The following C10orf90 variants were observed in gnomAD, a reference collection of about 807,000 sequenced individuals.
C10orf90 encodes the protein (E2-independent) E3 ubiquitin-conjugating enzyme FATS.
C10orf90 carries 56 observed loss-of-function variants against 62.5 expected under a neutral mutation model. The observed-to-expected ratio is 0.90, with a 90% CI of 0.72 to 1.12. The LOEUF (loss-of-function observed/expected upper bound fraction) is 1.12, where lower values mean the gene tolerates loss of function less well. Among genes scored for constraint, C10orf90 ranks in the 50% most tolerant of loss-of-function variants. C10orf90 has a pLI of 0.00. For missense variants in C10orf90, 970 were observed against 880.4 expected, an observed-to-expected ratio of 1.10 and a Z score of -1.29; for synonymous variants, 386 against 340.4, an observed-to-expected ratio of 1.13 and a Z score of -1.47.
chr10:126,462,412 C>T (rs1860045878), intron 5 of C10orf90, among the ~76,000 whole-genome samples: 1 of 152,266 alleles, frequency 6.6e-6, no homozygotes, highest in Admixed American at 6.5e-5. Context: ...CCTTTGATTC[C>T]TCTGCCCAGT....
chr10:126,538,412 A>G (rs1202584357), intron 2 of C10orf90, among the ~76,000 whole-genome samples: 2 of 152,196 alleles, frequency 1.3e-5, no homozygotes, highest in African/African-American at 4.8e-5. Flanking sequence ...GGAAACTAGG[A>G]GAGAGACATG....
intron 2 of C10orf90, among the ~76,000 whole-genome samples, chr10:126,541,520 A>G (rs1366901072): frequency 6.6e-6 from 1 of 152,224 alleles, no homozygotes; most frequent in Non-Finnish European, 1.5e-5. Context: ...AAGCAATCCA[A>G]TTTAAATATG....
At chr10:126,531,322 G>C (rs1864089825) in intron 2 of C10orf90, among the ~76,000 whole-genome samples, 1 of 152,228 alleles carries the variant, frequency 6.6e-6, no homozygotes, top group Admixed American at 6.5e-5. Flanking sequence ...CTTTGTGGGA[G>C]AATGCAACTG....
intron 8 of C10orf90, among the ~76,000 whole-genome samples, chr10:126,427,528 G>A (rs1347980766): frequency 6.6e-6 from 1 of 152,172 alleles, no homozygotes; most frequent in African/African-American, 2.4e-5. Flanking sequence ...ATTCAGTGTG[G>A]GTGGGCACCA....
intron 1 of C10orf90, among the ~76,000 whole-genome samples, chr10:126,662,208 A>G (rs1483743975): frequency 6.6e-6 from 1 of 152,102 alleles, no homozygotes; most frequent in Non-Finnish European, 1.5e-5. Context: ...GCCTTTACTG[A>G]GGCTAGTTTA....
intron 2 of C10orf90, among the ~76,000 whole-genome samples, chr10:126,574,919 A>C (rs1844579505): frequency 1.3e-5 from 2 of 152,152 alleles, no homozygotes; most frequent in Non-Finnish European, 2.9e-5. Context: ...TCTTGGTAGA[A>C]TATTGAAAGC....
chr10:126,540,953 C>T lies in C10orf90; in HGVS notation c.314-27014G>A, dbSNP rs151227269. 3.9e-5 allele frequency among the ~76,000 whole-genome samples: 6 copies of T among 152,226 alleles called. No homozygotes were observed. The East Asian group carries it at 1.2e-3, about 29-fold the overall frequency. On this transcript the variant is annotated intron_variant, in intron 2 of 9. Transcript: ENST00000488181. ...GTTATAGTCCATATTTAAAGCCATA[C>T]ACCAAACTAAATTTAAAATGCATTT... is the stretch of plus-strand genomic sequence containing the variant.
At chr10:126,584,400 C>T (rs1306045970) in intron 2 of C10orf90, among the ~76,000 whole-genome samples, 1 of 151,882 alleles carries the variant, frequency 6.6e-6, no homozygotes, top group African/African-American at 2.4e-5. Flanking sequence ...TGTCCACCTG[C>T]CTGTCTGTCC....
chr10:126,664,884 G>T (rs1402598528), intron 1 of C10orf90, among the ~76,000 whole-genome samples: 1 of 152,210 alleles, frequency 6.6e-6, no homozygotes, highest in African/African-American at 2.4e-5. Flanking sequence ...AGCTCCAGTT[G>T]ACAGGTGCAG....
chr10:126,429,876 G>A (rs1857472755), intron 7 of C10orf90, 26 bp from the exon 8 acceptor site: 3 of 1,578,526 alleles, frequency 1.9e-6, no homozygotes, highest in African/African-American at 1.3e-5. Context: ...AGAGAATTAA[G>A]TTCAGAAGGC....
At chr10:126,433,846 G>A (rs983203302) in intron 7 of C10orf90, among the ~76,000 whole-genome samples, 3 of 152,254 alleles carry the variant, frequency 2.0e-5, no homozygotes, top group South Asian at 2.1e-4. Context: ...TTGCTTATGG[G>A]TCTCTTACAG....
intron 7 of C10orf90, among the ~76,000 whole-genome samples, chr10:126,450,858 T>C (rs573004566): frequency 2.0e-5 from 3 of 152,206 alleles, no homozygotes; most frequent in African/African-American, 7.2e-5. Context: ...TATCACGCTA[T>C]ACAGCTTCTA....
intron 2 of C10orf90, among the ~76,000 whole-genome samples, chr10:126,617,209 A>C (rs912281833): frequency 2.6e-5 from 4 of 152,166 alleles, no homozygotes; most frequent in African/African-American, 9.7e-5. Context: ...GTACCCACTC[A>C]CATCCCACCC....
chr10:126,585,400 A>AAGG (rs1844842093), intron 2 of C10orf90, among the ~76,000 whole-genome samples: 23 of 107,878 alleles, frequency 2.1e-4, no homozygotes, highest in African/African-American at 7.4e-4. Context: ...AAGAAGGAAG[A>AAGG]AAAGGAGGGA....
Position 126,504,733 on chromosome 10 carries a change from C to T in C10orf90, c.758G>A (p.Trp253Ter), listed in dbSNP as rs570555311. ...RVGPPARALV[W>*]GTAGDSLCPK... The stretch of plus-strand genomic sequence containing the variant: ...GCACAGAGAGTCCCCAGCAGTCCCC[C>T]ACACCAGGGCGCGGGCTGGGGGGCC... The change falls in exon 4 of 10, where the codon TGG becomes TAG. Residue 253 changes from tryptophan to a stop codon, truncating the protein, a stop_gained. Coordinates refer to ENST00000488181, the MANE Select transcript of C10orf90 (RefSeq NM_001350921.2). LOFTEE classifies it high-confidence loss of function. This position sits in a 1 kb window ranked among gnomAD's most constrained non-coding sequence, Gnocchi z 4.1. The T allele has an allele frequency of 1.2e-6, 2 of 1,600,758 alleles. No homozygotes were observed. The highest frequency in any genetic ancestry group is 1.1e-5 in the South Asian group (1 of 89,500).
At chr10:126,521,353 G>A (rs780278430) in intron 2 of C10orf90, 2 of 1,613,824 alleles carry the variant, frequency 1.2e-6, no homozygotes, top group Admixed American at 3.3e-5. Flanking sequence ...ATTTTACTCA[G>A]TTTCAAAGGT....
chr10:126,467,330 C>T (rs1860347627), intron 4 of C10orf90, among the ~76,000 whole-genome samples: 1 of 152,232 alleles, frequency 6.6e-6, no homozygotes, highest in Non-Finnish European at 1.5e-5. Flanking sequence ...TCATTTCATG[C>T]ATTCTGAAAC....
At chr10:126,615,861 T>C (rs1171399263) in intron 2 of C10orf90, among the ~76,000 whole-genome samples, 1 of 152,210 alleles carries the variant, frequency 6.6e-6, no homozygotes, top group African/African-American at 2.4e-5. Flanking sequence ...CTCACTGTAG[T>C]AGCTTCATGG....
In C10orf90 at chr10:126,633,912, A is replaced by C. The variant is rs183269767; in HGVS notation, c.313+12653T>G. Among the ~76,000 whole-genome samples the C allele has an allele frequency of 7.1e-4, 108 of 152,320 alleles. 2 individuals carry two copies. Among genetic ancestry groups the C allele is most frequent in the Admixed American group, 1.5e-3 (23 of 15,302 alleles). ...AGTCATTACTCATTGGGGAAATTCT[A>C]ATCAAAACTACAATGAGGTATCACT... is the stretch of plus-strand genomic sequence containing the variant. On this transcript the variant is annotated intron_variant, in intron 2 of 9. Transcript: ENST00000488181.
Sources: allele counts gnomAD v4.1 joint callset (sites outside exome capture counted in the v4.1 genomes callset), GRCh38; gene constraint gnomAD v4.1.1; non-coding constraint Gnocchi (gnomAD v3.1); transcripts MANE v1.5; gene names NCBI Gene and HGNC (gene_info 2026-07-23, HGNC 2026-07-21).